NLGN4X: variants seen among roughly 807,000 people sequenced by gnomAD.
NLGN4X encodes the protein neuroligin-4, X-linked.
NLGN4X carries 3 observed loss-of-function variants against 40.3 expected under a neutral mutation model. The ratio of observed to expected loss-of-function variants is 0.07; its 90% CI spans 0.03 to 0.19. The LOEUF is 0.19. NLGN4X is among the 10% of genes least tolerant of loss of function. NLGN4X has a pLI of 1.00. For missense variants in NLGN4X, 382 were observed against 708.3 expected (o/e 0.54, Z 5.23); for synonymous variants, 270 against 306.8 (o/e 0.88, Z 1.25).
At chrX:5,925,881 C>CATATATAT (rs55860509) in intron 3 of NLGN4X, among the ~76,000 whole-genome samples, 34 of 19,464 alleles carry the variant, frequency 1.7e-3, no homozygotes, top group Admixed American at 8.6e-3. Flanking sequence ...TACATACACA[C>CATATATAT]ATATATATAT....
chrX:6,183,421 C>A (rs1921685406), intron 1 of NLGN4X, among the ~76,000 whole-genome samples: 1 of 110,937 alleles, frequency 9.0e-6, no homozygotes, highest in Non-Finnish European at 1.9e-5. Context: ...GTGGTGGGCG[C>A]CTGTAGTCCC....
At chrX:6,114,587 A>C (rs1028203645) in intron 2 of NLGN4X, among the ~76,000 whole-genome samples, 1 of 110,476 alleles carries the variant, frequency 9.1e-6, no homozygotes, top group Non-Finnish European at 1.9e-5. Flanking sequence ...CCTGCTTGGA[A>C]TAAGAAAGTT....
chrX:5,972,715 G>A (rs1354082148), intron 3 of NLGN4X, among the ~76,000 whole-genome samples: 1 of 89,158 alleles, frequency 1.1e-5, no homozygotes, highest in Non-Finnish European at 2.1e-5. Flanking sequence ...CAGGCCTGCT[G>A]GTTTACAACT....
intron 3 of NLGN4X, among the ~76,000 whole-genome samples, chrX:6,005,214 G>T (rs2036073579): frequency 8.9e-6 from 1 of 112,224 alleles, no homozygotes; most frequent in Non-Finnish European, 1.9e-5. Flanking sequence ...AGATCCCGGG[G>T]ATTCTCTTAC....
chrX:5,932,612 A>G (rs774708932), intron 3 of NLGN4X, among the ~76,000 whole-genome samples: 9 of 111,928 alleles, frequency 8.0e-5, no homozygotes, highest in Non-Finnish European at 1.7e-4. Context: ...TAGTAGGTAT[A>G]GAATAAATAA....
intron 2 of NLGN4X, among the ~76,000 whole-genome samples, chrX:6,108,629 A>G (rs2039082270): frequency 9.0e-6 from 1 of 111,588 alleles, no homozygotes; most frequent in Non-Finnish European, 1.9e-5. Flanking sequence ...GGCTGCAGTG[A>G]GCCAAAATCG....
intron 2 of NLGN4X, among the ~76,000 whole-genome samples, chrX:6,142,282 A>T (rs757261231): frequency 8.9e-6 from 1 of 112,517 alleles, no homozygotes; most frequent in South Asian, 3.7e-4. Context: ...TTCCAAACAT[A>T]TGTAATTTCT....
intron 1 of NLGN4X, among the ~76,000 whole-genome samples, chrX:6,160,908 C>G (rs1205945532): frequency 3.1e-5 from 3 of 95,915 alleles, no homozygotes; most frequent in Non-Finnish European, 6.1e-5. Flanking sequence ...ATATATTATT[C>G]TATATATAAA....
At chrX:6,165,076 T>G (rs150706336) in intron 1 of NLGN4X, among the ~76,000 whole-genome samples, 186 of 111,510 alleles carry the variant, frequency 1.7e-3, no homozygotes, top group African/African-American at 5.6e-3. Context: ...CCCAAAATGT[T>G]TCCTCTGCCC....
intron 2 of NLGN4X, among the ~76,000 whole-genome samples, chrX:6,116,391 CTTTTTTTTTTTTTTTTTTTT>C (rs1157468420): frequency 1.3e-3 from 28 of 22,285 alleles, no homozygotes; most frequent in South Asian, 8.7e-3. Flanking sequence ...ACCTTTCTTT[CTTTTTTTTTTTTTTTTTTTT>C]TTTTTTTTTT....
chrX:6,211,581 T>C (rs1316427383), intron 1 of NLGN4X, among the ~76,000 whole-genome samples: 1 of 111,683 alleles, frequency 9.0e-6, no homozygotes, highest in Non-Finnish European at 1.9e-5. Flanking sequence ...GGTAAAGATA[T>C]GTGTACAGAT....
intron 3 of NLGN4X, among the ~76,000 whole-genome samples, chrX:5,927,716 G>A (rs901057181): frequency 8.9e-6 from 1 of 112,284 alleles, no homozygotes; most frequent in African/African-American, 3.2e-5. Context: ...CCTGTAACTT[G>A]AAGGATTTTA....
chrX:6,109,873 T>C (rs918936173), intron 2 of NLGN4X, among the ~76,000 whole-genome samples: 18 of 112,025 alleles, frequency 1.6e-4, no homozygotes, highest in African/African-American at 3.9e-4. Flanking sequence ...CCTGTTAGGA[T>C]CCAGTCTCCT....
At chrX:6,167,605 T>C (rs199897187) in intron 1 of NLGN4X, among the ~76,000 whole-genome samples, 2 of 112,034 alleles carry the variant, frequency 1.8e-5, no homozygotes, top group East Asian at 5.6e-4. Context: ...CTGGATGTCA[T>C]GCACCGGGAA....
rs61551982 is a variant in NLGN4X at position 5,936,865 on chromosome X, T to C, written c.626-27626A>G. ...TCCAAAAACAAGAAGTGATGGTGAA[T>C]CTGCTCTAGCCGATCAGTGGAGCTG... On this transcript the variant is annotated intron_variant, in intron 3 of 5. Transcript: ENST00000381095. 3.8e-3 allele frequency among the ~76,000 whole-genome samples: 428 copies of C among 112,120 alleles called. 2 individuals are homozygous for C. The highest frequency in any genetic ancestry group is 0.013 in the African/African-American group (405 of 30,872).
chrX:5,982,449 AT>A (rs1459490647), intron 3 of NLGN4X, among the ~76,000 whole-genome samples: 2 of 112,206 alleles, frequency 1.8e-5, no homozygotes, highest in Non-Finnish European at 3.8e-5. Flanking sequence ...AAATATTTGC[AT>A]TATCTTTATA....
At chrX:6,175,884 T>C (rs906610254) in intron 1 of NLGN4X, among the ~76,000 whole-genome samples, 23 of 110,643 alleles carry the variant, frequency 2.1e-4, no homozygotes, top group African/African-American at 7.6e-4. Context: ...CTGGACCTCA[T>C]TTGGAGGGTA....
chrX:6,099,893 C>T (rs556682221), intron 2 of NLGN4X, among the ~76,000 whole-genome samples: 232 of 111,343 alleles, frequency 2.1e-3, no homozygotes, highest in Middle Eastern at 9.2e-3. Flanking sequence ...TCCGGGAGAC[C>T]CTAACCCAGC....
intron 5 of NLGN4X, among the ~76,000 whole-genome samples, chrX:5,901,741 GTTAT>G (rs1221408237): frequency 1.9e-5 from 2 of 106,892 alleles, no homozygotes; most frequent in Non-Finnish European, 3.8e-5. Flanking sequence ...TCTCTCTCTA[GTTAT>G]TTATATAGCA....
Sources: gnomAD v4.1 joint callset for allele counts (sites outside exome capture counted in the v4.1 genomes callset) on GRCh38, gnomAD v4.1.1 for gene constraint, MANE v1.5 for transcripts, NCBI Gene and HGNC (gene_info 2026-07-23, HGNC 2026-07-21) for gene names.